FBRSL1: variants seen among roughly 807,000 people sequenced by gnomAD.
The protein encoded by FBRSL1 is fibrosin like 1.
In FBRSL1, 51 loss-of-function variants were observed where a neutral mutation model predicts 89.6. The ratio of observed to expected loss-of-function variants is 0.57; its 90% CI spans 0.45 to 0.72. The LOEUF is 0.72. Among genes scored for constraint, FBRSL1 ranks in the 30% least tolerant of loss-of-function variants. FBRSL1 has a pLI of 0.00. For synonymous variants in FBRSL1, 779 were observed against 681.1 expected, an observed-to-expected ratio of 1.14 and a Z score of -2.24; for missense variants, 1,618 against 1,451.8, an observed-to-expected ratio of 1.11 and a Z score of -1.86.
chr12:132,494,837 C>T (rs1043723418), intron 1 of FBRSL1, among the ~76,000 whole-genome samples: 10 of 152,174 alleles, frequency 6.6e-5, no homozygotes, highest in African/African-American at 1.7e-4. Flanking sequence ...CCTCCTGGCT[C>T]GGTGGCCAGC....
intron 2 of FBRSL1, among the ~76,000 whole-genome samples, chr12:132,520,095 G>T (rs368567358): frequency 6.9e-6 from 1 of 145,170 alleles, no homozygotes; most frequent in Non-Finnish European, 1.5e-5. Context: ...CACCCCTCCA[G>T]CACACCCTCC....
chr12:132,550,600 C>A (rs2038077946), intron 5 of FBRSL1: 1 of 152,400 alleles, frequency 6.6e-6, no homozygotes, highest in Admixed American at 6.5e-5. Flanking sequence ...AGGGGTGTGT[C>A]CCAGGCTGAC....
chr12:132,518,648 A>G (rs2035069180), intron 2 of FBRSL1, among the ~76,000 whole-genome samples: 1 of 147,340 alleles, frequency 6.8e-6, no homozygotes, highest in African/African-American at 2.5e-5. Flanking sequence ...CCATCTGTCC[A>G]TCCACCCGTG....
intron 1 of FBRSL1, among the ~76,000 whole-genome samples, chr12:132,496,530 T>C (rs935079322): frequency 1.3e-5 from 2 of 152,232 alleles, no homozygotes; most frequent in East Asian, 1.9e-4. Flanking sequence ...CTGGGTACTT[T>C]GTTGGATTCC....
rs965722114 is a variant in FBRSL1 at position 132,509,393 on chromosome 12, C to T, written c.489+1043C>T. 6 of 1,241,918 alleles carry T rather than the reference C, an allele frequency of 4.8e-6. No individual in the cohort carries two copies. The African/African-American group carries it at 7.8e-5, about 16-fold the overall frequency. 76.9% of individuals were successfully genotyped at this position (1,241,918 alleles called of 1,614,324 possible). On this transcript the variant is annotated intron_variant, in intron 2 of 18. Coordinates refer to ENST00000680143, the MANE Select transcript of FBRSL1 (RefSeq NM_001367871.1). ...CACTTCTGGGCCTGAAACAGCCCTG[C>T]CAGCCCCGGCGGTCACTTCTGGGCC... is the stretch of plus-strand genomic sequence containing the variant.
At chr12:132,534,575 G>A (rs779392883) in intron 4 of FBRSL1, among the ~76,000 whole-genome samples, 18 of 152,248 alleles carry the variant, frequency 1.2e-4, no homozygotes, top group Non-Finnish European at 1.9e-4. Flanking sequence ...TTCCCGCAGC[G>A]GGCACGCGCT....
At chr12:132,523,313 C>G (rs567284615) in intron 2 of FBRSL1, among the ~76,000 whole-genome samples, 33 of 152,082 alleles carry the variant, frequency 2.2e-4, no homozygotes, top group Admixed American at 7.2e-4. Flanking sequence ...CAGGGTTTTT[C>G]GAGACGTGGG....
intron 2 of FBRSL1, chr12:132,511,749 T>G: frequency 1.4e-5 from 14 of 985,354 alleles, no homozygotes; most frequent in Non-Finnish European, 1.7e-5. Flanking sequence ...CCGCACTTGC[T>G]CATGAGGACC....
At chr12:132,494,677 T>C (rs1422346655) in intron 1 of FBRSL1, among the ~76,000 whole-genome samples, 1 of 152,218 alleles carries the variant, frequency 6.6e-6, no homozygotes, top group East Asian at 1.9e-4. Flanking sequence ...AAACAGCAAA[T>C]CACTTTCACC....
chr12:132,537,253 C>T (rs972431734), intron 4 of FBRSL1, among the ~76,000 whole-genome samples: 14 of 152,158 alleles, frequency 9.2e-5, no homozygotes, highest in Non-Finnish European at 1.6e-4. Context: ...AGGTGGCACT[C>T]GGGTGTAGAA....
chr12:132,521,663 C>G lies in FBRSL1; in HGVS notation c.490-4071C>G, dbSNP rs182829347. Among the ~76,000 whole-genome samples the G allele has an allele frequency of 4.2e-3, 633 of 152,252 alleles. 2 individuals are homozygous for G. Among genetic ancestry groups the G allele is most frequent in the African/African-American group, 0.015 (614 of 41,542 alleles). On this transcript the variant is annotated intron_variant, in intron 2 of 18. Coordinates refer to ENST00000680143, the MANE Select transcript of FBRSL1 (RefSeq NM_001367871.1). ...CATGGGATGGGGTGTGAGAGTCGCC[C>G]TGGTGTGATCCGATTGGTGTGAGAC...
At chr12:132,501,569 C>G (rs1190950456) in intron 1 of FBRSL1, among the ~76,000 whole-genome samples, 4 of 152,184 alleles carry the variant, frequency 2.6e-5, no homozygotes, top group Non-Finnish European at 5.9e-5. Flanking sequence ...TTCACAGGGG[C>G]CAGTGTGGGC....
At chr12:132,493,812 C>G (rs12318629) in intron 1 of FBRSL1, among the ~76,000 whole-genome samples, 15 of 152,154 alleles carry the variant, frequency 9.9e-5, no homozygotes, top group Non-Finnish European at 1.8e-4. Context: ...GAGGAGTCCC[C>G]GCTTGTCCTG....
intron 4 of FBRSL1, among the ~76,000 whole-genome samples, chr12:132,547,645 C>T (rs997340250): frequency 1.3e-5 from 2 of 152,200 alleles, no homozygotes; most frequent in African/African-American, 2.4e-5. Flanking sequence ...GTGAGGAAGG[C>T]TCTGGCTGGC....
At chr12:132,579,238 T>G (rs570835212) in intron 15 of FBRSL1, among the ~76,000 whole-genome samples, 29 of 152,334 alleles carry the variant, frequency 1.9e-4, no homozygotes, top group Non-Finnish European at 3.2e-4. Flanking sequence ...ATATAAACTT[T>G]CAATCTGCCT....
Position 132,583,815 on chromosome 12 carries a change from C to G in FBRSL1, c.*37C>G, listed in dbSNP as rs938758967. ...CAGACGCCTCTCCGAGCGGAGCGCA[C>G]CGCTGTCCGTCTCTCCATCAGTTCC... On this transcript the variant is annotated 3_prime_UTR_variant, in exon 19 of 19. Transcript: ENST00000680143. 3 of 1,132,250 alleles carry G rather than the reference C, an allele frequency of 2.6e-6. No individual in the cohort carries two copies. The African/African-American group carries it at 4.8e-5, about 18-fold the overall frequency. The allele number at this position is 1,132,250 out of a possible 1,614,324, so 70.1% of individuals were successfully genotyped here.
intron 4 of FBRSL1, among the ~76,000 whole-genome samples, chr12:132,541,317 C>T (rs191778795): frequency 4.9e-4 from 75 of 152,230 alleles, no homozygotes; most frequent in African/African-American, 1.8e-3. Context: ...ATGCCAGTAC[C>T]GTGGATGGCC....
At chr12:132,562,742 G>A (rs974594533) in intron 5 of FBRSL1, among the ~76,000 whole-genome samples, 1 of 152,122 alleles carries the variant, frequency 6.6e-6, no homozygotes, top group African/African-American at 2.4e-5. Context: ...TCCGGCGCGT[G>A]TGGGTGTGGC....
At chr12:132,559,273 T>C (rs1452720019) in intron 5 of FBRSL1, among the ~76,000 whole-genome samples, 3 of 152,232 alleles carry the variant, frequency 2.0e-5, no homozygotes, top group Non-Finnish European at 2.9e-5. Context: ...TCTCCGACTT[T>C]GCACCCCCGT....
Sources: allele counts gnomAD v4.1 joint callset (sites outside exome capture counted in the v4.1 genomes callset), GRCh38; gene constraint gnomAD v4.1.1; transcripts MANE v1.5; gene names NCBI Gene and HGNC (gene_info 2026-07-23, HGNC 2026-07-21).